The following LRP6 variants were observed in gnomAD, a reference collection of about 807,000 sequenced individuals.
The protein encoded by LRP6 is LDL receptor related protein 6, also known as low-density lipoprotein receptor-related protein 6.
LRP6 carries 43 observed loss-of-function variants against 184.1 expected under a neutral mutation model. That is an observed-to-expected ratio of 0.23 (90% CI 0.18 to 0.30). The LOEUF (loss-of-function observed/expected upper bound fraction) is 0.30, where lower values mean the gene tolerates loss of function less well. LRP6 is among the 10% of genes least tolerant of loss of function. LRP6 has a pLI of 1.00. For synonymous variants in LRP6, 719 were observed against 684.9 expected (o/e 1.05, Z -0.78); for missense variants, 1,571 against 2,005.3 (o/e 0.78, Z 4.14).
chr12:12,169,642 C>T (rs1444386490), intron 7 of LRP6, among the ~76,000 whole-genome samples: 2 of 152,136 alleles, frequency 1.3e-5, no homozygotes, highest in Non-Finnish European at 2.9e-5. Flanking sequence ...GGCACAGTGG[C>T]GAAGAACTCA....
At chr12:12,229,123 C>A (rs1306705015) in intron 2 of LRP6, among the ~76,000 whole-genome samples, 1 of 152,188 alleles carries the variant, frequency 6.6e-6, no homozygotes, top group African/African-American at 2.4e-5. Flanking sequence ...GTAATCCCAG[C>A]ACTTTGGGAG....
At chr12:12,155,234 A>G in intron 12 of LRP6, 1 of 715,934 alleles carries the variant, frequency 1.4e-6, no homozygotes, top group Non-Finnish European at 2.6e-6. Context: ...TTTCAGCCAG[A>G]ACTGCCATCT....
chr12:12,121,866 A>C (rs1949611430), intron 22 of LRP6, among the ~76,000 whole-genome samples: 1 of 152,208 alleles, frequency 6.6e-6, no homozygotes. Flanking sequence ...TAATTTAATG[A>C]CATCTGAAGT....
At chr12:12,207,727 G>A (rs570586442) in intron 2 of LRP6, among the ~76,000 whole-genome samples, 3 of 152,040 alleles carry the variant, frequency 2.0e-5, no homozygotes, top group African/African-American at 4.8e-5. Context: ...CATGTGTAAC[G>A]CTACACCAGA....
chr12:12,181,630 C>T (rs1294428124), intron 5 of LRP6, among the ~76,000 whole-genome samples, 191 bp from the exon 6 acceptor site: 2 of 152,154 alleles, frequency 1.3e-5, no homozygotes, highest in African/African-American at 4.8e-5. Flanking sequence ...TGAGGTCAAG[C>T]TGTTTAATGG....
intron 3 of LRP6, among the ~76,000 whole-genome samples, chr12:12,189,289 A>T (rs1389962977): frequency 6.6e-6 from 1 of 152,220 alleles, no homozygotes; most frequent in African/African-American, 2.4e-5. Context: ...GTTAATGTGA[A>T]GATTAAATAA....
chr12:12,186,658 CTTTT>C (rs34355990), intron 4 of LRP6: 131 of 288,576 alleles, frequency 4.5e-4, no homozygotes, highest in South Asian at 5.0e-4. Flanking sequence ...GGGATTTTAA[CTTTT>C]TTTTTTTTTT....
At chr12:12,200,382 A>G (rs533974099) in intron 3 of LRP6, among the ~76,000 whole-genome samples, 9 of 152,130 alleles carry the variant, frequency 5.9e-5, no homozygotes, top group African/African-American at 2.2e-4. Context: ...TTTAGCTTCA[A>G]CTCTGTTCAT....
chr12:12,150,992 G>A lies in LRP6; in HGVS notation c.2838C>T (p.Arg946=). The A allele has an allele frequency of 6.2e-7, 1 of 1,614,160 alleles. No homozygotes were observed. Among genetic ancestry groups the A allele is most frequent in the Non-Finnish European group, 8.5e-7 (1 of 1,180,022 alleles). Residue 946 remains arginine, a synonymous_variant, in exon 13 of 23, where the codon CGC becomes CGT. Coordinates refer to ENST00000261349, the MANE Select transcript of LRP6 (RefSeq NM_002336.3). ...GGCTCTGTTGTTCATCAATCACCAT[G>A]CGGTTGATGGCACTCTTTTGACTGA... The part of the protein sequence containing the change: ...LLFSQKSAIN[R]MVIDEQQSPD...
intron 1 of LRP6, among the ~76,000 whole-genome samples, chr12:12,260,674 T>C (rs1865592560): frequency 6.6e-6 from 1 of 152,170 alleles, no homozygotes; most frequent in Admixed American, 6.5e-5. Context: ...CTACTACCCC[T>C]TTACAAACAT....
rs147464915 is a variant in LRP6 at position 12,250,855 on chromosome 12, C to T, written c.56-6200G>A. 2.1e-3 allele frequency among the ~76,000 whole-genome samples: 323 copies of T among 152,144 alleles called. 2 individuals carry two copies. Among genetic ancestry groups the T allele is most frequent in the African/African-American group, 7.6e-3 (314 of 41,514 alleles). ...CAGGCTGGTCTCGAACTCCTAACTT[C>T]AAATGATCCACCCACCTCAGCCTCC... is the stretch of plus-strand genomic sequence containing the variant. On this transcript the variant is annotated intron_variant, in intron 1 of 22. Transcript: ENST00000261349.
intron 21 of LRP6, 144 bp from the exon 22 acceptor site, chr12:12,124,806 A>T: frequency 1.6e-6 from 1 of 632,504 alleles, no homozygotes; most frequent in Non-Finnish European, 2.7e-6. Flanking sequence ...AATTGACCTC[A>T]AACAGTACTT....
intron 2 of LRP6, among the ~76,000 whole-genome samples, chr12:12,243,437 A>G (rs1390381372): frequency 6.6e-6 from 1 of 152,234 alleles, no homozygotes; most frequent in Admixed American, 6.5e-5. Context: ...CATTGTGTAT[A>G]TAATAAAAGG....
intron 2 of LRP6, among the ~76,000 whole-genome samples, chr12:12,220,619 G>C (rs1864463206): frequency 1.4e-5 from 2 of 138,936 alleles, no homozygotes; most frequent in Non-Finnish European, 3.1e-5. Flanking sequence ...TTTTTTTTGA[G>C]ACAGGGTCTC....
At chr12:12,179,703 C>T in intron 7 of LRP6, 107 bp downstream of exon 7, 1 of 1,211,950 alleles carries the variant, frequency 8.3e-7, no homozygotes, top group Admixed American at 1.9e-5. Context: ...ACCTTTGGCA[C>T]CCCAGACAAC....
intron 15 of LRP6, chr12:12,139,067 CT>C: frequency 8.3e-7 from 1 of 1,201,430 alleles, no homozygotes; most frequent in African/African-American, 1.6e-5. Flanking sequence ...TGAGAAAGTT[CT>C]TTTATACAGT....
chr12:12,218,603 G>A (rs1034487562), intron 2 of LRP6, among the ~76,000 whole-genome samples: 4 of 151,918 alleles, frequency 2.6e-5, no homozygotes, highest in Non-Finnish European at 5.9e-5. Flanking sequence ...CAGTCAGTAA[G>A]GAAATGTAAA....
chr12:12,159,908 T>A lies in LRP6; in HGVS notation c.2336A>T (p.Asp779Val). The A allele has an allele frequency of 6.2e-7, 1 of 1,614,052 alleles. No homozygotes were observed. Among genetic ancestry groups the A allele is most frequent in the Non-Finnish European group, 8.5e-7 (1 of 1,179,964 alleles). ...GKPKIDRAAM[D>V]GSERTTLVPN... is the part of the protein sequence containing the mutation. ...AACTAAGGTAGTACGTTCACTTCCA[T>A]CCATTGCAGCTCTGTCTATCTTAGG... is the stretch of plus-strand genomic sequence containing the variant. The change falls in exon 11 of 23, where the codon GAT becomes GTT. Residue 779 changes from aspartate to valine, a missense_variant. Asp to Val is a radical substitution (Grantham distance 152, BLOSUM62 -3). Around this residue, in one of 4 missense-constraint regions of LRP6, gnomAD observed 158 missense variants for 258.4 expected, o/e 0.61. Transcript: ENST00000261349.
rs1423771417 is a variant in LRP6 at position 12,266,992 on chromosome 12, C to T, written c.-257G>A. ...CGCCTCCTCCCCCGGCGCCCCGCTT[C>T]CCCCGCGCAGCTCCTCATTCAGCCT... On this transcript the variant is annotated 5_prime_UTR_variant, in exon 1 of 23. Transcript: ENST00000261349. 5 of 528,234 alleles carry T rather than the reference C, an allele frequency of 9.5e-6. No homozygotes were observed. Among genetic ancestry groups the T allele is most frequent in the South Asian group, 2.4e-5 (1 of 42,526 alleles). 32.7% of individuals were successfully genotyped at this position (528,234 alleles called of 1,614,324 possible).
Sources: gnomAD v4.1 joint callset for allele counts (sites outside exome capture counted in the v4.1 genomes callset) on GRCh38, gnomAD v4.1.1 for gene constraint, gnomAD v4.1.1 regional missense constraint, MANE v1.5 for transcripts, NCBI Gene and HGNC (gene_info 2026-07-23, HGNC 2026-07-21) for gene names.